ZNF385B: variants seen among roughly 807,000 people sequenced by gnomAD.
The protein encoded by ZNF385B is zinc finger protein 533.
In ZNF385B, 23 loss-of-function variants were observed where a neutral mutation model predicts 39.2. The observed-to-expected ratio is 0.59, with a 90% CI of 0.42 to 0.83. The LOEUF (loss-of-function observed/expected upper bound fraction) is 0.83. ZNF385B is among the 40% of genes least tolerant of loss of function. The pLI, the probability that ZNF385B is intolerant of heterozygous loss-of-function variation, is 0.00. For missense variants in ZNF385B, 552 were observed against 598.9 expected (o/e 0.92, Z 0.82); for synonymous variants, 205 against 222.6 (o/e 0.92, Z 0.70).
At chr2:179,673,616 C>A (rs1162424721) in intron 3 of ZNF385B, among the ~76,000 whole-genome samples, 1 of 152,096 alleles carries the variant, frequency 6.6e-6, no homozygotes, top group African/African-American at 2.4e-5. Flanking sequence ...CTGTTGCCCC[C>A]CTTCCTTCTG....
chr2:179,860,583 T>TCTGCC, intron 1 of ZNF385B, among the ~76,000 whole-genome samples: 1 of 151,736 alleles, frequency 6.6e-6, no homozygotes, highest in Non-Finnish European at 1.5e-5. Context: ...TTCTCTCTGC[T>TCTGCC]CCTCTGCCCC....
At chr2:179,568,149 T>C (rs1684805768) in intron 3 of ZNF385B, among the ~76,000 whole-genome samples, 1 of 152,168 alleles carries the variant, frequency 6.6e-6, no homozygotes, top group Non-Finnish European at 1.5e-5. Flanking sequence ...TTCCTCTCTC[T>C]TTCCCAAACA....
At chr2:179,669,069 A>G (rs936590875) in intron 3 of ZNF385B, among the ~76,000 whole-genome samples, 4 of 152,254 alleles carry the variant, frequency 2.6e-5, no homozygotes, top group African/African-American at 7.2e-5. Context: ...ATTTATATTT[A>G]GTTGTACTAC....
Position 179,769,437 on chromosome 2 carries a change from C to T in ZNF385B, c.298+66G>A, listed in dbSNP as rs1703883965. The T allele has an allele frequency of 1.8e-5, 28 of 1,587,892 alleles. No individual in the cohort carries two copies. In the South Asian group the frequency reaches 3.1e-4, roughly 18 times the overall value. On this transcript the variant is annotated intron_variant, in intron 3 of 9. Coordinates refer to ENST00000410066, the MANE Select transcript of ZNF385B (RefSeq NM_152520.6). ...GTAAAAATTAAGTCTTGTTCTAAATCCTTCATTTTCCAGACCAGGACCATC... is the reference window on the plus strand; with the variant it reads ...GTAAAAATTAAGTCTTGTTCTAAATTCTTCATTTTCCAGACCAGGACCATC...
chr2:179,448,868 T>C (rs939201960), intron 6 of ZNF385B, among the ~76,000 whole-genome samples: 3 of 152,116 alleles, frequency 2.0e-5, no homozygotes, highest in Admixed American at 1.3e-4. Context: ...TGTTTTACAA[T>C]TGTAGGTTAG....
chr2:179,579,160 T>A (rs542838942), intron 3 of ZNF385B, among the ~76,000 whole-genome samples: 1 of 152,106 alleles, frequency 6.6e-6, no homozygotes, highest in African/African-American at 2.4e-5. Flanking sequence ...TAGAAAAATA[T>A]GTATTTTGAT....
chr2:179,511,413 T>C (rs1679829017), intron 5 of ZNF385B, among the ~76,000 whole-genome samples: 2 of 152,030 alleles, frequency 1.3e-5, no homozygotes, highest in Admixed American at 6.6e-5. Context: ...AACCAGGAAA[T>C]TGGAATAAAA....
chr2:179,685,707 T>TA (rs941199961), intron 3 of ZNF385B, among the ~76,000 whole-genome samples: 66 of 146,856 alleles, frequency 4.5e-4, no homozygotes, highest in South Asian at 1.3e-3. Context: ...AAAAAAAAAA[T>TA]AAAAAAAGTC....
chr2:179,480,620 T>C (rs1205423880), intron 6 of ZNF385B, among the ~76,000 whole-genome samples: 1 of 152,126 alleles, frequency 6.6e-6, no homozygotes, highest in Non-Finnish European at 1.5e-5. Flanking sequence ...ATAAAACTCA[T>C]GTGGGAATTC....
chr2:179,746,172 TC>T, intron 3 of ZNF385B: 1 of 336,150 alleles, frequency 3.0e-6, no homozygotes, highest in Non-Finnish European at 4.2e-6. Flanking sequence ...TATGAAAGTC[TC>T]CACAGATTTA....
intron 3 of ZNF385B, among the ~76,000 whole-genome samples, chr2:179,624,285 G>A (rs1261861392): frequency 6.6e-6 from 1 of 152,090 alleles, no homozygotes; most frequent in Non-Finnish European, 1.5e-5. Context: ...TCCCAGAAGG[G>A]TCTGGAACTC....
At chr2:179,534,032 A>G (rs866435326) in intron 4 of ZNF385B, among the ~76,000 whole-genome samples, 3 of 152,198 alleles carry the variant, frequency 2.0e-5, no homozygotes, top group Non-Finnish European at 4.4e-5. Flanking sequence ...TCCCTGCTCC[A>G]AATTCAGCGG....
intron 6 of ZNF385B, among the ~76,000 whole-genome samples, chr2:179,479,236 G>C (rs537094825): frequency 5.7e-4 from 87 of 152,178 alleles, no homozygotes; most frequent in African/African-American, 2.0e-3. Context: ...CATGTAGTTA[G>C]AACTTCTTAT....
chr2:179,745,825 C>T (rs941551386), intron 3 of ZNF385B: 77 of 1,406,620 alleles, frequency 5.5e-5, no homozygotes, highest in Non-Finnish European at 6.9e-5. Context: ...ACAGCGCTAC[C>T]GAGACTTGGC....
intron 3 of ZNF385B, among the ~76,000 whole-genome samples, chr2:179,623,643 C>T (rs966289017): frequency 3.3e-5 from 5 of 152,092 alleles, no homozygotes; most frequent in African/African-American, 1.2e-4. Flanking sequence ...GTAGGCAGTA[C>T]TCAGTGGCAT....
At chr2:179,738,690 T>C (rs765969650) in intron 3 of ZNF385B, among the ~76,000 whole-genome samples, 1 of 152,204 alleles carries the variant, frequency 6.6e-6, no homozygotes, top group Non-Finnish European at 1.5e-5. Context: ...GATTCCTAGA[T>C]AGCAGCTGCA....
chr2:179,854,410 T>C (rs191160348), intron 1 of ZNF385B, among the ~76,000 whole-genome samples: 11 of 152,276 alleles, frequency 7.2e-5, no homozygotes, highest in Admixed American at 7.2e-4. Context: ...GATTTAATGA[T>C]TGTCTTTGAA....
At chr2:179,456,471 T>C (rs1056165511) in intron 6 of ZNF385B, among the ~76,000 whole-genome samples, 2 of 152,196 alleles carry the variant, frequency 1.3e-5, no homozygotes, top group Admixed American at 1.3e-4. Context: ...AGATTAATGA[T>C]GCTTTGTACC....
chr2:179,779,407 G>GT (rs1417655201), intron 1 of ZNF385B, among the ~76,000 whole-genome samples: 1 of 152,252 alleles, frequency 6.6e-6, no homozygotes, highest in Non-Finnish European at 1.5e-5. Context: ...GCAGGGCCTG[G>GT]TTGGTCATGC....
Sources: gnomAD v4.1 joint callset for allele counts (sites outside exome capture counted in the v4.1 genomes callset) on GRCh38, gnomAD v4.1.1 for gene constraint, MANE v1.5 for transcripts, NCBI Gene and HGNC (gene_info 2026-07-23, HGNC 2026-07-21) for gene names.